Variants in FLAD1 observed in about 807,000 individuals in gnomAD.
FLAD1 encodes bifunctional FAD diphosphatase/FAD synthase.
In FLAD1, 35 loss-of-function variants were observed where a neutral mutation model predicts 55.0. The ratio of observed to expected loss-of-function variants is 0.64; its 90% CI spans 0.49 to 0.84. The LOEUF (loss-of-function observed/expected upper bound fraction) is 0.84. FLAD1 is among the 40% of genes least tolerant of loss of function. FLAD1 has a pLI of 0.00. For missense variants in FLAD1, 665 were observed against 742.6 expected (o/e 0.90, Z 1.21); for synonymous variants, 267 against 303.0 (o/e 0.88, Z 1.23).
chr1:154,984,021 C>G lies in FLAD1; in HGVS notation c.327C>G (p.Arg109=). The G allele has an allele frequency of 6.6e-7, 1 of 1,513,918 alleles. No homozygotes were observed. Among genetic ancestry groups the G allele is most frequent in the Non-Finnish European group, 8.8e-7 (1 of 1,130,780 alleles). 93.8% of individuals were successfully genotyped at this position (1,513,918 alleles called of 1,614,324 possible). A position where few individuals can be genotyped will look rare whatever the true frequency, so the allele number is the denominator to read the frequency against. Residue 109 remains arginine (R), a synonymous_variant, in exon 1 of 7, where the codon CGC becomes CGG. Coordinates refer to ENST00000292180, the MANE Select transcript of FLAD1 (RefSeq NM_025207.5). Reference sequence around the variant, plus strand: ...GGGCCTCTGAACTTTCTCCGGGGCGCAGCGTGACGGCTGGCATCATCATTG... The same window carrying G: ...GGGCCTCTGAACTTTCTCCGGGGCGGAGCGTGACGGCTGGCATCATCATTG... The part of the protein sequence containing the change: ...TSRASELSPG[R]SVTAGIIIVG...
intron 5 of FLAD1, among the ~76,000 whole-genome samples, chr1:154,992,020 G>A (rs1356049757): frequency 6.6e-6 from 1 of 151,776 alleles, no homozygotes; most frequent in East Asian, 1.9e-4. Flanking sequence ...GCGCATGCCT[G>A]TAATCCCAGC....
intron 2 of FLAD1, 185 bp downstream of exon 2, chr1:154,989,034 G>A: frequency 7.1e-7 from 1 of 1,401,734 alleles, no homozygotes; most frequent in South Asian, 1.5e-5. Context: ...ACTGTGCTAG[G>A]TGTTGGGGAT....
intron 1 of FLAD1, among the ~76,000 whole-genome samples, chr1:154,985,451 T>C (rs1002038427): frequency 7.3e-5 from 11 of 151,014 alleles, no homozygotes; most frequent in Admixed American, 7.3e-4. Flanking sequence ...CAGGTTGGAG[T>C]GCAGTGGCGT....
Position 154,988,731 on chromosome 1 carries a change from A to AC in FLAD1, c.1003dup (p.Leu335ProfsTer30). 6.2e-7 allele frequency: 1 copy of AC among 1,614,124 alleles called. No homozygotes were observed. Among genetic ancestry groups the AC allele is most frequent in the Non-Finnish European group, 8.5e-7 (1 of 1,180,008 alleles). On this transcript the variant is annotated frameshift_variant, in exon 2 of 7. Coordinates refer to ENST00000292180, the MANE Select transcript of FLAD1 (RefSeq NM_025207.5). LOFTEE classifies it high-confidence loss of function. ...TGACTCTAGACTCAGAGGAAGAAGG[A>AC]CCCCTGGAGGAATGCTTGGCCTACC... is the stretch of plus-strand genomic sequence containing the variant.
chr1:154,984,484 C>T (rs1272888707), intron 1 of FLAD1, among the ~76,000 whole-genome samples: 2 of 151,814 alleles, frequency 1.3e-5, no homozygotes, highest in East Asian at 1.9e-4. Flanking sequence ...GAGGCCGAGG[C>T]GGGTGGATCA....
chr1:154,989,095 CA>C, intron 2 of FLAD1: 6 of 950,086 alleles, frequency 6.3e-6, no homozygotes, highest in South Asian at 3.6e-5. Context: ...AGTGTTTTAA[CA>C]AAAAAAGATG....
chr1:154,988,110 C>T lies in FLAD1; in HGVS notation c.378C>T (p.His126=). ...TCTTCCCCTTCAACCCCCAGGGACACACTCAGGACACCAACACCTTCTTTC... is the reference window on the plus strand; with the variant it reads ...TCTTCCCCTTCAACCCCCAGGGACATACTCAGGACACCAACACCTTCTTTC... ...IIVGDEILKG[H]TQDTNTFFLC... is the part of the protein sequence containing the mutation. Residue 126 remains histidine, a synonymous_variant, in exon 2 of 7, where the codon CAC becomes CAT. Coordinates refer to ENST00000292180, the MANE Select transcript of FLAD1 (RefSeq NM_025207.5). 1 of 1,614,206 alleles carries T rather than the reference C, an allele frequency of 6.2e-7. No individual in the cohort carries two copies. Among genetic ancestry groups the T allele is most frequent in the Non-Finnish European group, 8.5e-7 (1 of 1,180,030 alleles).
intron 1 of FLAD1, among the ~76,000 whole-genome samples, chr1:154,984,653 A>T (rs1657482072): frequency 6.7e-6 from 1 of 148,338 alleles, no homozygotes; most frequent in South Asian, 2.1e-4. Flanking sequence ...GGTTGCAGTG[A>T]GCTGAGATCG....
At chr1:154,989,783 G>C in intron 3 of FLAD1, 76 bp downstream of exon 3, 1 of 1,427,256 alleles carries the variant, frequency 7.0e-7, no homozygotes, top group Non-Finnish European at 9.3e-7. Flanking sequence ...GGAGAAAGGG[G>C]GTGTACAGGT....
At chr1:154,984,810 G>T (rs1268887068) in intron 1 of FLAD1, among the ~76,000 whole-genome samples, 1 of 151,976 alleles carries the variant, frequency 6.6e-6, no homozygotes, top group Non-Finnish European at 1.5e-5. Context: ...TACTAGAAGG[G>T]ATGAATCCCC....
chr1:154,988,580 A>G lies in FLAD1; in HGVS notation c.848A>G (p.Glu283Gly). 1 of 1,614,188 alleles carries G rather than the reference A, an allele frequency of 6.2e-7. No homozygotes were observed. Among genetic ancestry groups the G allele is most frequent in the South Asian group, 1.1e-5 (1 of 91,080 alleles). Residue 283 changes from glutamate to glycine, a missense_variant, in exon 2 of 7, where the codon GAG becomes GGG. By Grantham distance (98) the Glu-to-Gly change is moderately conservative. Coordinates refer to ENST00000292180, the MANE Select transcript of FLAD1 (RefSeq NM_025207.5). ...QNPAVQFHSK[E>G]LYVAADEASI... ...CCAGCTGTTCAGTTCCACTCAAAGG[A>G]GCTATATGTGGCTGCTGATGAAGCC...
chr1:154,989,781 G>C (rs989865194), intron 3 of FLAD1, 74 bp downstream of exon 3: 7 of 1,433,834 alleles, frequency 4.9e-6, no homozygotes, highest in Admixed American at 2.4e-5. Flanking sequence ...AAGGAGAAAG[G>C]GGGTGTACAG....
At chr1:154,986,866 G>A (rs1449004812) in intron 1 of FLAD1, among the ~76,000 whole-genome samples, 1 of 151,898 alleles carries the variant, frequency 6.6e-6, no homozygotes. Flanking sequence ...CAAAAATGCT[G>A]GGATTACAGG....
chr1:154,992,604 C>CA lies in FLAD1; in HGVS notation c.1555-108dup, dbSNP rs1558077852. 5 of 1,613,928 alleles carry CA rather than the reference C, an allele frequency of 3.1e-6. No individual in the cohort carries two copies. In the Admixed American group the frequency reaches 8.3e-5, roughly 27 times the overall value. On this transcript the variant is annotated intron_variant, in intron 5 of 6. Transcript: ENST00000292180. ...GAGAATCAGATAGCAAGCCCTCCCT[C>CA]AGAGGCCAAGGGAGCAGAAGAGCCA... is the stretch of plus-strand genomic sequence containing the variant.
intron 1 of FLAD1, among the ~76,000 whole-genome samples, chr1:154,986,704 CTTTTTT>C (rs776649473): frequency 1.1e-5 from 1 of 91,700 alleles, no homozygotes; most frequent in Non-Finnish European, 2.1e-5. Flanking sequence ...GCCCCCCACC[CTTTTTT>C]TTTTTTTTTT....
In FLAD1 at chr1:154,983,543, G is replaced by A; in HGVS notation, c.-152G>A. 1 of 759,708 alleles carries A rather than the reference G, an allele frequency of 1.3e-6. No individual in the cohort carries two copies. The allele number at this position is 759,708 out of a possible 1,614,324, so 47.1% of individuals were successfully genotyped here. On this transcript the variant is annotated 5_prime_UTR_variant, in exon 1 of 7. Coordinates refer to ENST00000292180, the MANE Select transcript of FLAD1 (RefSeq NM_025207.5). ...ATGCATTGAAAAGGGCCAAGGCCCAGGATAAGGTAGACATTTAAAGGGGTA... is the reference window on the plus strand; with the variant it reads ...ATGCATTGAAAAGGGCCAAGGCCCAAGATAAGGTAGACATTTAAAGGGGTA...
chr1:154,984,708 CAAAAAAAAAAAA>C lies in FLAD1; in HGVS notation c.372+651_372+662del, dbSNP rs201533169. 1.2e-3 allele frequency among the ~76,000 whole-genome samples: 73 copies of C among 58,530 alleles called. 1 individual carries two copies. In the East Asian group the frequency reaches 0.04, roughly 32 times the overall value. 38.4% of individuals were successfully genotyped at this position (58,530 alleles called of 152,430 possible). On this transcript the variant is annotated intron_variant, in intron 1 of 6. Transcript: ENST00000292180. ...GGGCAACAAGAGCGAAACTCCGTCT[CAAAAAAAAAAAA>C]AAAAAAAAGAGTTTTACCCAGCCTT...
chr1:154,987,731 A>C, intron 1 of FLAD1: 2 of 359,902 alleles, frequency 5.6e-6, no homozygotes, highest in Non-Finnish European at 1.0e-5. Flanking sequence ...GAGACCAGGA[A>C]TTCAACACCA....
rs774495485 is a variant in FLAD1 at position 154,990,262 on chromosome 1, T to A, written c.1364+5T>A. ...TCTACAGGACACTATCAAGAGGTAC[T>A]AGGGGCCTGGAGGTTTGGGCTCCAA... is the stretch of plus-strand genomic sequence containing the variant. On this transcript the variant is annotated splice_donor_5th_base_variant and intron_variant, in intron 4 of 6. Transcript: ENST00000292180. The A allele has an allele frequency of 6.2e-7, 1 of 1,613,918 alleles. No individual in the cohort carries two copies. The highest frequency in any genetic ancestry group is 1.7e-5 in the Admixed American group (1 of 60,014).
Sources: allele counts gnomAD v4.1 joint callset (sites outside exome capture counted in the v4.1 genomes callset), GRCh38; gene constraint gnomAD v4.1.1; transcripts MANE v1.5; gene names NCBI Gene and HGNC (gene_info 2026-07-23, HGNC 2026-07-21).